TRPM2: variants seen among roughly 807,000 people sequenced by gnomAD.
The protein encoded by TRPM2 is estrogen-responsive element-associated gene 1 protein.
TRPM2 carries 161 observed loss-of-function variants against 174.0 expected under a neutral mutation model. The ratio of observed to expected loss-of-function variants is 0.93; its 90% CI spans 0.81 to 1.05. TRPM2 has a LOEUF of 1.05. TRPM2 is among the 50% of genes least tolerant of loss of function. The pLI, the probability that TRPM2 is intolerant of heterozygous loss-of-function variation, is 0.00. For missense variants in TRPM2, 2,057 were observed against 2,038.0 expected, an observed-to-expected ratio of 1.01 and a Z score of -0.18; for synonymous variants, 954 against 861.3, an observed-to-expected ratio of 1.11 and a Z score of -1.88.
intron 16 of TRPM2, among the ~76,000 whole-genome samples, chr21:44,404,422 CACAT>C (rs1475895432): frequency 5.9e-5 from 9 of 152,286 alleles, no homozygotes; most frequent in South Asian, 4.1e-4. Flanking sequence ...CACGTATACA[CACAT>C]ACATGCAGAA....
chr21:44,387,465 A>C (rs2049046382), intron 9 of TRPM2, among the ~76,000 whole-genome samples: 1 of 152,244 alleles, frequency 6.6e-6, no homozygotes, highest in African/African-American at 2.4e-5. Flanking sequence ...CACAGGGCAA[A>C]AACTTCATGA....
Position 44,441,725 on chromosome 21 carries a change from C to A in TRPM2, c.4420C>A (p.Arg1474=). The change falls in exon 32 of 32, where the codon CGA becomes AGA. Residue 1474 remains arginine (R), a synonymous_variant. Transcript: ENST00000397928. ...LHACDSGASI[R]WQVVDRRIPL... ...CGCCTGCGACTCGGGGGCCTCCATC[C>A]GATGGCAGGTGGTGGACAGGCGCAT... is the stretch of plus-strand genomic sequence containing the variant. 2 of 1,611,940 alleles carry A rather than the reference C, an allele frequency of 1.2e-6. No homozygotes were observed. The highest frequency in any genetic ancestry group is 1.7e-6 in the Non-Finnish European group (2 of 1,179,078).
At chr21:44,389,365 T>C (rs563030577) in intron 9 of TRPM2, among the ~76,000 whole-genome samples, 10 of 152,348 alleles carry the variant, frequency 6.6e-5, no homozygotes, top group East Asian at 5.8e-4. Context: ...AGTTTGGGGC[T>C]ATTATGAATA....
upstream of TRPM2, among the ~76,000 whole-genome samples, chr21:44,352,504 C>T (rs975245544): frequency 1.4e-4 from 21 of 152,138 alleles, no homozygotes; most frequent in Admixed American, 1.2e-3. Flanking sequence ...CAGTGACCGT[C>T]GTGTGTAGTG....
intron 27 of TRPM2, among the ~76,000 whole-genome samples, chr21:44,434,371 A>G (rs1479561944): frequency 6.8e-6 from 1 of 147,696 alleles, no homozygotes; most frequent in East Asian, 2.0e-4. Flanking sequence ...TGGCGGGGAC[A>G]CTGGTGTTGG....
Position 44,366,462 on chromosome 21 carries a change from G to A in TRPM2, c.424-292G>A, listed in dbSNP as rs1303050163. On this transcript the variant is annotated intron_variant, in intron 3 of 31. Coordinates refer to ENST00000397928, the MANE Select transcript of TRPM2 (RefSeq NM_003307.4). This position sits in a 1 kb window ranked among gnomAD's most constrained non-coding sequence, Gnocchi z 6.0. Reference sequence around the variant, plus strand: ...ATGTTTGGGAGGCGCTCCCAAAATCGAGAGGAAGAGGAAAAAGTGGGTGCC... The same window carrying A: ...ATGTTTGGGAGGCGCTCCCAAAATCAAGAGGAAGAGGAAAAAGTGGGTGCC... Among the ~76,000 whole-genome samples the A allele has an allele frequency of 2.6e-5, 4 of 152,102 alleles. No homozygotes were observed. Among genetic ancestry groups the A allele is most frequent in the Non-Finnish European group, 4.4e-5 (3 of 68,004 alleles).
Position 44,402,707 on chromosome 21 carries a change from C to T in TRPM2, c.2538+810C>T, listed in dbSNP as rs578101737. On this transcript the variant is annotated intron_variant, in intron 16 of 31. Coordinates refer to ENST00000397928, the MANE Select transcript of TRPM2 (RefSeq NM_003307.4). ...CAGAGGCTATCTCCCTGGAGCTGGG[C>T]GAGGCCAAGCTGCCCCCCAGGTGGG... Among the ~76,000 whole-genome samples, 40 of 152,302 alleles carry T rather than the reference C, an allele frequency of 2.6e-4. No homozygotes were observed. In the South Asian group the frequency reaches 7.2e-3, roughly 28 times the overall value.
chr21:44,391,166 C>A lies in TRPM2; in HGVS notation c.1441-106C>A. The A allele has an allele frequency of 2.0e-6, 3 of 1,535,784 alleles. No homozygotes were observed. In the South Asian group the frequency reaches 3.7e-5, roughly 19 times the overall value. The stretch of plus-strand genomic sequence containing the variant: ...GGGTGACCTGGGCAGCTTTCATCCT[C>A]CCCAGGTTGGGGACAACAGCAGCCC... On this transcript the variant is annotated intron_variant, in intron 10 of 31. Coordinates refer to ENST00000397928, the MANE Select transcript of TRPM2 (RefSeq NM_003307.4). This position sits in a 1 kb window ranked among gnomAD's most constrained non-coding sequence, Gnocchi z 5.0.
At chr21:44,353,460 C>A, upstream of TRPM2, 1 of 472,818 alleles carries the variant, frequency 2.1e-6, no homozygotes, top group Non-Finnish European at 3.4e-6. Context: ...TCCGGGGGCC[C>A]CAGCCAAGGG....
intron 16 of TRPM2, among the ~76,000 whole-genome samples, chr21:44,404,271 C>T (rs749146128): frequency 5.9e-5 from 9 of 151,490 alleles, no homozygotes; most frequent in Non-Finnish European, 1.3e-4. Context: ...ACAATACATG[C>T]AAATGTATGT....
chr21:44,392,492 C>T (rs1037638459), intron 11 of TRPM2, among the ~76,000 whole-genome samples: 8 of 151,762 alleles, frequency 5.3e-5, no homozygotes, highest in Admixed American at 2.0e-4. Context: ...TCTCAAACTC[C>T]GGGGCTCAAG....
At chr21:44,369,110 G>T in intron 4 of TRPM2, 67 bp from the exon 5 acceptor site, 1 of 1,395,198 alleles carries the variant, frequency 7.2e-7, no homozygotes, top group Non-Finnish European at 9.3e-7. Context: ...GGGCTCAGGC[G>T]TCAGGCTCCT....
At position 44,359,503 on chromosome 21, in the gene TRPM2, C is replaced by A. The variant is rs117764492; in HGVS notation, c.255-4611C>A. On this transcript the variant is annotated intron_variant, in intron 2 of 31. Transcript: ENST00000397928. ...AACATCCGAGATCACACAGTCAATA[C>A]GTGGCGGGGAAACCTGTTTCCTTTC... Among the ~76,000 whole-genome samples the A allele has an allele frequency of 1.0e-3, 157 of 151,714 alleles. 4 individuals are homozygous for A. The East Asian group carries it at 0.027, about 26-fold the overall frequency.
chr21:44,383,478 C>A (rs899544024), intron 9 of TRPM2, among the ~76,000 whole-genome samples: 4 of 152,292 alleles, frequency 2.6e-5, no homozygotes, highest in African/African-American at 9.6e-5. Context: ...AGGCTGGGAT[C>A]AGCAGGGAAC....
intron 2 of TRPM2, among the ~76,000 whole-genome samples, chr21:44,358,455 C>CG (rs1168336000): frequency 6.6e-6 from 1 of 152,188 alleles, no homozygotes; most frequent in Admixed American, 6.5e-5. Flanking sequence ...CGTGGGGTGC[C>CG]GGGGGTGGTG....
intron 2 of TRPM2, among the ~76,000 whole-genome samples, chr21:44,355,510 CG>C (rs2033305100): frequency 6.6e-6 from 1 of 152,210 alleles, no homozygotes; most frequent in African/African-American, 2.4e-5. Flanking sequence ...TGCAGCCTTC[CG>C]TGACTATACA....
chr21:44,400,227 C>T (rs1383686244), intron 14 of TRPM2, 32 bp from the exon 15 acceptor site: 5 of 1,585,672 alleles, frequency 3.2e-6, no homozygotes, highest in Non-Finnish European at 4.3e-6. Context: ...CAGGGCTGGG[C>T]ACTGCCATCC....
chr21:44,425,152 G>T (rs1214019013), intron 24 of TRPM2: 12 of 559,394 alleles, frequency 2.1e-5, no homozygotes, highest in Non-Finnish European at 3.5e-5. Context: ...GACCTGACCT[G>T]GTTCCTGGAC....
chr21:44,406,299 T>C (rs1388958431), intron 18 of TRPM2, among the ~76,000 whole-genome samples: 1 of 149,318 alleles, frequency 6.7e-6, no homozygotes, highest in Non-Finnish European at 1.5e-5. Context: ...GCTTTCCTCC[T>C]TGGTCACGGT....
Sources: gnomAD v4.1 joint callset for allele counts (sites outside exome capture counted in the v4.1 genomes callset) on GRCh38, gnomAD v4.1.1 for gene constraint, Gnocchi (gnomAD v3.1) non-coding constraint, MANE v1.5 for transcripts, NCBI Gene and HGNC (gene_info 2026-07-23, HGNC 2026-07-21) for gene names.